The following WWOX variants were observed in gnomAD, a reference collection of about 807,000 sequenced individuals.
WWOX encodes WW domain containing oxidoreductase, also known as WW domain-containing oxidoreductase.
In WWOX, 69 loss-of-function variants were observed where a neutral mutation model predicts 46.2. That is an observed-to-expected ratio of 1.49 (90% CI 1.23 to 1.82). WWOX has a LOEUF of 1.82. Among genes scored for constraint, WWOX ranks in the 40% most tolerant of loss-of-function variants. The pLI is 0.00. For missense variants in WWOX, 919 were observed against 542.6 expected (o/e 1.69, Z -6.89); for synonymous variants, 359 against 202.6 (o/e 1.77, Z -6.56).
intron 8 of WWOX, chr16:78,895,615 G>A (rs966114817): frequency 1.5e-4 from 23 of 152,212 alleles, no homozygotes; most frequent in African/African-American, 5.5e-4. Context: ...TGGAAACCCT[G>A]AGCAGCTTGG....
intron 8 of WWOX, among the ~76,000 whole-genome samples, chr16:78,625,362 G>T (rs2046288237): frequency 6.6e-6 from 1 of 152,132 alleles, no homozygotes; most frequent in African/African-American, 2.4e-5. Flanking sequence ...GAGGGTAACT[G>T]GATCCCTGAA....
At chr16:78,827,532 G>T (rs1051351625) in intron 8 of WWOX, among the ~76,000 whole-genome samples, 4 of 152,078 alleles carry the variant, frequency 2.6e-5, no homozygotes, top group Non-Finnish European at 5.9e-5. Context: ...CTGGAAGAGT[G>T]AGGTCTAAGA....
At chr16:79,150,957 C>A (rs1000494713) in intron 8 of WWOX, among the ~76,000 whole-genome samples, 1 of 152,162 alleles carries the variant, frequency 6.6e-6, no homozygotes, top group Non-Finnish European at 1.5e-5. Context: ...CTAGTTTATT[C>A]TAGGCTCTTT....
chr16:78,332,654 T>C (rs2080787974), intron 5 of WWOX, among the ~76,000 whole-genome samples: 1 of 152,154 alleles, frequency 6.6e-6, no homozygotes, highest in Non-Finnish European at 1.5e-5. Flanking sequence ...CTCTCTGTCA[T>C]TGTGATTGGA....
At chr16:78,981,724 G>C (rs2151334275) in intron 8 of WWOX, 1 of 152,388 alleles carries the variant, frequency 6.6e-6, no homozygotes, top group East Asian at 1.9e-4. Context: ...ATTGTGCCCA[G>C]CTTGGAGCAT....
chr16:78,579,199 T>G (rs1005479698), intron 8 of WWOX, among the ~76,000 whole-genome samples: 2 of 152,202 alleles, frequency 1.3e-5, no homozygotes, highest in Admixed American at 1.3e-4. Context: ...GGGTGTTACT[T>G]TACTAACTAC....
intron 8 of WWOX, among the ~76,000 whole-genome samples, chr16:78,942,812 G>C (rs933464003): frequency 6.6e-6 from 1 of 152,184 alleles, no homozygotes; most frequent in African/African-American, 2.4e-5. Context: ...CTTCTCTCTG[G>C]TTTCCCGGAA....
intron 8 of WWOX, among the ~76,000 whole-genome samples, chr16:79,078,505 C>T (rs1006074122): frequency 1.3e-5 from 2 of 152,160 alleles, no homozygotes; most frequent in African/African-American, 4.8e-5. Context: ...TGTAGGTGTC[C>T]TCTGCACACT....
At chr16:78,100,128 A>G (rs1473959706) in intron 1 of WWOX, 4 of 1,341,868 alleles carry the variant, frequency 3.0e-6, no homozygotes, top group South Asian at 1.9e-5. Flanking sequence ...TTCAGGATGC[A>G]GCACTGCGCG....
At chr16:79,096,668 A>G (rs2049080893) in intron 8 of WWOX, among the ~76,000 whole-genome samples, 2 of 152,142 alleles carry the variant, frequency 1.3e-5, no homozygotes, top group African/African-American at 4.8e-5. Flanking sequence ...ATCCAAGCAC[A>G]ATTTCCAGTT....
intron 8 of WWOX, among the ~76,000 whole-genome samples, chr16:78,602,267 C>G (rs891427877): frequency 6.6e-6 from 1 of 152,164 alleles, no homozygotes; most frequent in Non-Finnish European, 1.5e-5. Context: ...GAGTCTCGAT[C>G]TGACAGCCAG....
intron 8 of WWOX, among the ~76,000 whole-genome samples, chr16:79,087,707 G>A (rs1349991660): frequency 6.6e-6 from 1 of 152,210 alleles, no homozygotes; most frequent in Non-Finnish European, 1.5e-5. Flanking sequence ...GGAGACTTAA[G>A]TTATAGAGTT....
chr16:78,896,463 CA>C (rs1221804001), intron 8 of WWOX: 5 of 152,120 alleles, frequency 3.3e-5, no homozygotes, highest in African/African-American at 4.8e-5. Flanking sequence ...CTTGTGAGGC[CA>C]GCGTTGCTTC....
At chr16:78,503,977 G>GT (rs1480885271) in intron 8 of WWOX, among the ~76,000 whole-genome samples, 5 of 151,990 alleles carry the variant, frequency 3.3e-5, no homozygotes, top group East Asian at 1.9e-4. Context: ...TGCAAGTTAT[G>GT]TTTTTTTTAT....
intron 8 of WWOX, among the ~76,000 whole-genome samples, chr16:78,913,473 C>G (rs568336263): frequency 2.6e-5 from 4 of 152,018 alleles, no homozygotes; most frequent in African/African-American, 7.2e-5. Context: ...TTGATGTGAA[C>G]AAGCATGATG....
intron 8 of WWOX, among the ~76,000 whole-genome samples, chr16:78,862,458 A>G (rs936560738): frequency 1.3e-5 from 2 of 151,916 alleles, no homozygotes; most frequent in African/African-American, 2.4e-5. Flanking sequence ...AGTATTCAAT[A>G]TAGATCTATA....
At chr16:79,028,555 C>G (rs759253173) in intron 8 of WWOX, among the ~76,000 whole-genome samples, 9 of 151,384 alleles carry the variant, frequency 5.9e-5, no homozygotes, top group Non-Finnish European at 1.2e-4. Flanking sequence ...TTGCTTTCTT[C>G]CCTCCTCTCT....
chr16:78,736,975 C>T (rs75271278), intron 8 of WWOX, among the ~76,000 whole-genome samples: 4,355 of 152,216 alleles, frequency 0.029, 195 homozygotes, highest in African/African-American at 0.099. Flanking sequence ...CCATAAAAAA[C>T]AGATTCCAAT....
Position 78,422,834 on chromosome 16 carries a change from T to TATACACACAC in WWOX, c.606-2033_606-2032insCACACACATA, listed in dbSNP as rs1489196545. 2.5e-4 allele frequency among the ~76,000 whole-genome samples: 27 copies of TATACACACAC among 109,802 alleles called. 1 individual carries two copies. The highest frequency in any genetic ancestry group is 8.5e-4 in the African/African-American group (21 of 24,608). 72.0% of individuals were successfully genotyped at this position (109,802 alleles called of 152,430 possible). On this transcript the variant is annotated intron_variant, in intron 6 of 8. Coordinates refer to ENST00000566780, the MANE Select transcript of WWOX (RefSeq NM_016373.4). ...ACATATATATACACACACATATATA[T>TATACACACAC]ATATACATATACACACACACACACA...
Sources: gnomAD v4.1 joint callset for allele counts (sites outside exome capture counted in the v4.1 genomes callset) on GRCh38, gnomAD v4.1.1 for gene constraint, MANE v1.5 for transcripts, NCBI Gene and HGNC (gene_info 2026-07-23, HGNC 2026-07-21) for gene names.